KDM4A: variants seen among roughly 807,000 people sequenced by gnomAD.
KDM4A encodes the protein lysine demethylase 4A.
In KDM4A, 23 loss-of-function variants were observed where a neutral mutation model predicts 127.1. The ratio of observed to expected loss-of-function variants is 0.18; its 90% CI spans 0.13 to 0.26. The LOEUF (loss-of-function observed/expected upper bound fraction) is 0.26, where lower values mean the gene tolerates loss of function less well. Among genes scored for constraint, KDM4A ranks in the 10% least tolerant of loss-of-function variants. KDM4A has a pLI of 1.00. For missense variants in KDM4A, 890 were observed against 1,329.1 expected, an observed-to-expected ratio of 0.67 and a Z score of 5.14; for synonymous variants, 443 against 466.5, an observed-to-expected ratio of 0.95 and a Z score of 0.65.
intron 5 of KDM4A, 83 bp from the exon 6 acceptor site, chr1:43,665,612 CA>C: frequency 7.9e-7 from 1 of 1,271,388 alleles, no homozygotes; most frequent in Non-Finnish European, 1.1e-6. Flanking sequence ...TCTGCTATTT[CA>C]AGGTGTTTTG....
Position 43,704,615 on chromosome 1 carries a change from C to T in KDM4A, c.*245C>T, listed in dbSNP as rs886078631. ...AGCTGAGGGGCTGAGCACTGGAATG[C>T]TGTGGCTGCACTGGCCCCAGTCCAT... On this transcript the variant is annotated 3_prime_UTR_variant, in exon 22 of 22. Transcript: ENST00000372396. 1 of 501,776 alleles carries T rather than the reference C, an allele frequency of 2.0e-6. No individual in the cohort carries two copies. Among genetic ancestry groups the T allele is most frequent in the East Asian group, 3.6e-5 (1 of 27,600 alleles). The allele number at this position is 501,776 out of a possible 1,614,324, so 31.1% of individuals were successfully genotyped here.
intron 11 of KDM4A, among the ~76,000 whole-genome samples, chr1:43,679,288 G>A (rs917020962): frequency 6.6e-6 from 1 of 152,176 alleles, no homozygotes; most frequent in East Asian, 1.9e-4. Context: ...CGGTCCAGAG[G>A]GCTTGGCCTA....
In KDM4A at chr1:43,686,208, G is replaced by T. The variant is rs191847964; in HGVS notation, c.1855+2404G>T. Among the ~76,000 whole-genome samples the T allele has an allele frequency of 8.5e-4, 121 of 141,690 alleles. No individual in the cohort carries two copies. The East Asian group carries it at 0.023, about 27-fold the overall frequency. 93.0% of individuals were successfully genotyped at this position (141,690 alleles called of 152,430 possible). A position where few individuals can be genotyped will look rare whatever the true frequency, so the allele number is the denominator to read the frequency against. ...CTCACTTACTCTGTTGCCCAGGCTGGAGTGCAGTGGTGTGATCTTGGCTTA... is the reference window on the plus strand; with the variant it reads ...CTCACTTACTCTGTTGCCCAGGCTGTAGTGCAGTGGTGTGATCTTGGCTTA... On this transcript the variant is annotated intron_variant, in intron 12 of 21. Transcript: ENST00000372396.
intron 4 of KDM4A, among the ~76,000 whole-genome samples, chr1:43,661,276 A>G (rs1219906173): frequency 1.3e-5 from 2 of 151,760 alleles, no homozygotes; most frequent in African/African-American, 4.8e-5. Flanking sequence ...CGCTTGGCCC[A>G]TATTTTAATG....
Position 43,653,212 on chromosome 1 carries a change from A to G in KDM4A, c.37A>G (p.Arg13Gly). ...GTCTGAAACTCTGAATCCCAGTGCTAGGATAATGACCTTTTATCCAACTAT... is the reference window on the plus strand; with the variant it reads ...GTCTGAAACTCTGAATCCCAGTGCTGGGATAATGACCTTTTATCCAACTAT... ...SESETLNPSARIMTFYPTMEE... is the reference protein window; with the variant it reads ...SESETLNPSAGIMTFYPTMEE... The change falls in exon 2 of 22, where the codon AGG (arginine) becomes GGG (glycine). Residue 13 changes from arginine (R) to glycine (G), a missense_variant. By Grantham distance (125) the Arg-to-Gly change is moderately radical. This residue lies in a region of KDM4A where 9 missense variants were observed against 18.6 expected (regional missense o/e 0.48). Transcript: ENST00000372396. 2 of 1,613,784 alleles carry G rather than the reference A, an allele frequency of 1.2e-6. No individual in the cohort carries two copies. Among genetic ancestry groups the G allele is most frequent in the Non-Finnish European group, 1.7e-6 (2 of 1,179,746 alleles).
chr1:43,699,121 A>G (rs1171006362), intron 19 of KDM4A, among the ~76,000 whole-genome samples: 2 of 131,406 alleles, frequency 1.5e-5, no homozygotes, highest in Non-Finnish European at 3.3e-5. Flanking sequence ...GAGAGAGACC[A>G]GGTCTCACTC....
intron 10 of KDM4A, among the ~76,000 whole-genome samples, chr1:43,670,925 G>C (rs1660604404): frequency 6.6e-6 from 1 of 151,892 alleles, no homozygotes; most frequent in Non-Finnish European, 1.5e-5. Context: ...GGCTGGTCTT[G>C]AACTCCTGGG....
intron 4 of KDM4A, among the ~76,000 whole-genome samples, chr1:43,661,388 CAGG>C (rs1468325770): frequency 6.6e-6 from 1 of 151,510 alleles, no homozygotes; most frequent in Non-Finnish European, 1.5e-5. Flanking sequence ...GTGGATGGAT[CAGG>C]AGGTCAGGAG....
Position 43,675,939 on chromosome 1 carries a change from G to C in KDM4A, c.1734+4064G>C, listed in dbSNP as rs187852010. Among the ~76,000 whole-genome samples the C allele has an allele frequency of 9.9e-5, 15 of 152,062 alleles. No homozygotes were observed. In the East Asian group the frequency reaches 2.9e-3, roughly 30 times the overall value. On this transcript the variant is annotated intron_variant, in intron 11 of 21. Transcript: ENST00000372396. ...AATAGAAAAATTAGCTGGGTGTGGT[G>C]GCGGGCGCCTATAATCCCAGCTGCT... is the stretch of plus-strand genomic sequence containing the variant.
intron 11 of KDM4A, among the ~76,000 whole-genome samples, chr1:43,681,722 C>T (rs777947782): frequency 1.3e-5 from 2 of 151,802 alleles, no homozygotes; most frequent in Admixed American, 6.6e-5. Flanking sequence ...GGGGGCAGGT[C>T]GGGGGGAAAC....
At chr1:43,653,553 A>G (rs1570806877) in intron 2 of KDM4A, 1 of 325,514 alleles carries the variant, frequency 3.1e-6, no homozygotes. Context: ...TAGTGTCTCC[A>G]GGCCTGGCTG....
At chr1:43,686,937 CTCA>C (rs1570860596) in intron 12 of KDM4A, among the ~76,000 whole-genome samples, 2 of 152,290 alleles carry the variant, frequency 1.3e-5, no homozygotes, top group South Asian at 2.1e-4. Flanking sequence ...AACATTTTCC[CTCA>C]TCATTCAGTA....
Position 43,698,030 on chromosome 1 carries a change from G to T in KDM4A, c.2841+17G>T, listed in dbSNP as rs780629932. 23 of 1,607,534 alleles carry T rather than the reference G, an allele frequency of 1.4e-5. No homozygotes were observed. Among genetic ancestry groups the T allele is most frequent in the Non-Finnish European group, 1.8e-5 (21 of 1,175,688 alleles). On this transcript the variant is annotated intron_variant, in intron 19 of 21. Coordinates refer to ENST00000372396, the MANE Select transcript of KDM4A (RefSeq NM_014663.3). ...GACATAGTGGTAATATCTGCAAGGA[G>T]CTTCTCAGGCAGTTTGGAATGGGGG...
rs796751624 is a variant in KDM4A, at chr1:43,661,635, A to G, written c.429+1223A>G. On this transcript the variant is annotated intron_variant, in intron 4 of 21. Transcript: ENST00000372396. ...AAAAAAAAAAAAAAAAAAAAAAAAA[A>G]AAAAAGAATTCCAGTTTTGTTGATA... 4.6e-3 allele frequency among the ~76,000 whole-genome samples: 691 copies of G among 150,154 alleles called. 12 individuals are homozygous for G. Among genetic ancestry groups the G allele is most frequent in the African/African-American group, 0.016 (665 of 40,368 alleles).
chr1:43,677,544 G>A (rs1314406543), intron 11 of KDM4A, among the ~76,000 whole-genome samples: 4 of 152,134 alleles, frequency 2.6e-5, no homozygotes, highest in African/African-American at 7.2e-5. Context: ...TTGATTTGCC[G>A]ATGATGTTCT....
chr1:43,663,510 G>T (rs941116198), intron 5 of KDM4A, among the ~76,000 whole-genome samples: 2 of 152,122 alleles, frequency 1.3e-5, no homozygotes, highest in African/African-American at 2.4e-5. Context: ...AACACATAAG[G>T]GATTGCGAGG....
chr1:43,694,219 T>A lies in KDM4A; in HGVS notation c.2484+117T>A. 1.3e-6 allele frequency: 1 copy of A among 794,122 alleles called. No individual in the cohort carries two copies. Among genetic ancestry groups the A allele is most frequent in the Admixed American group, 2.4e-5 (1 of 42,018 alleles). The allele number at this position is 794,122 out of a possible 1,614,324, so 49.2% of individuals were successfully genotyped here. ...GAGTTTGTGATTCTCACTCTGTGGT[T>A]AGATTCCTTAGTGGAGGCCAGGTGT... On this transcript the variant is annotated intron_variant, in intron 17 of 21. Transcript: ENST00000372396. This position sits in a 1 kb window ranked among gnomAD's most constrained non-coding sequence, Gnocchi z 5.2.
chr1:43,661,608 C>CAA lies in KDM4A; in HGVS notation c.429+1227_429+1228dup, dbSNP rs34131801. Among the ~76,000 whole-genome samples, 159 of 40,834 alleles carry CAA rather than the reference C, an allele frequency of 3.9e-3. 3 individuals carry two copies. The highest frequency in any genetic ancestry group is 4.3e-3 in the African/African-American group (34 of 7,968). 26.8% of individuals were successfully genotyped at this position (40,834 alleles called of 152,430 possible). A position where few individuals can be genotyped will look rare whatever the true frequency, so the allele number is the denominator to read the frequency against. On this transcript the variant is annotated intron_variant, in intron 4 of 21. Coordinates refer to ENST00000372396, the MANE Select transcript of KDM4A (RefSeq NM_014663.3). ...TGGGTGACAGAGCAAGACTCTGTCT[C>CAA]AAAAAAAAAAAAAAAAAAAAAAAAA... is the stretch of plus-strand genomic sequence containing the variant.
Position 43,693,098 on chromosome 1 carries a change from A to C in KDM4A, c.2375+787A>C, listed in dbSNP as rs182986514. Among the ~76,000 whole-genome samples, 11 of 152,286 alleles carry C rather than the reference A, an allele frequency of 7.2e-5. No individual in the cohort carries two copies. Among genetic ancestry groups the C allele is most frequent in the African/African-American group, 2.4e-4 (10 of 41,548 alleles). On this transcript the variant is annotated intron_variant, in intron 16 of 21. Transcript: ENST00000372396. This position sits in a 1 kb window ranked among gnomAD's most constrained non-coding sequence, Gnocchi z 4.2. The stretch of plus-strand genomic sequence containing the variant: ...TCTGCCTGCTGCTTCTGCTCCTTCA[A>C]AGGCACTTGCTGCCATTATTTGAGG...
Sources: gnomAD v4.1 joint callset for allele counts (sites outside exome capture counted in the v4.1 genomes callset) on GRCh38, gnomAD v4.1.1 for gene constraint, gnomAD v4.1.1 regional missense constraint, Gnocchi (gnomAD v3.1) non-coding constraint, MANE v1.5 for transcripts, NCBI Gene and HGNC (gene_info 2026-07-23, HGNC 2026-07-21) for gene names.